EFCAB14: variants seen among roughly 807,000 people sequenced by gnomAD.
The protein encoded by EFCAB14 is EF-hand calcium-binding domain-containing protein 14.
In EFCAB14, 43 loss-of-function variants were observed where a neutral mutation model predicts 56.5. The observed-to-expected ratio is 0.76, with a 90% CI of 0.60 to 0.98. EFCAB14 has a LOEUF of 0.98. EFCAB14 is among the 50% of genes least tolerant of loss of function. The probability of loss-of-function intolerance (pLI) is 0.00; values close to 1 mark genes in which losing one functional copy is unlikely to be tolerated. For synonymous variants in EFCAB14, 235 were observed against 212.9 expected, an observed-to-expected ratio of 1.10 and a Z score of -0.90; for missense variants, 538 against 580.3, an observed-to-expected ratio of 0.93 and a Z score of 0.75.
rs746845066 is a variant in EFCAB14 at position 46,676,618 on chromosome 1, G to A, written c.*1843C>T. ...TGGTTGTTAGAAAATCTGTAAGGGT[G>A]TATATATATTAAAAAAAGGTGTGGG... On this transcript the variant is annotated 3_prime_UTR_variant, in exon 11 of 11. Coordinates refer to ENST00000371933, the MANE Select transcript of EFCAB14 (RefSeq NM_014774.3). 8.5e-5 allele frequency: 13 copies of A among 152,554 alleles called. No individual in the cohort carries two copies. The highest frequency in any genetic ancestry group is 1.8e-4 in the Non-Finnish European group (12 of 68,020). The allele number at this position is 152,554 out of a possible 1,614,324, so 9.5% of individuals were successfully genotyped here. A position where few individuals can be genotyped will look rare whatever the true frequency, so the allele number is the denominator to read the frequency against.
intron 3 of EFCAB14, among the ~76,000 whole-genome samples, chr1:46,702,967 T>C (rs1677181649): frequency 6.6e-6 from 1 of 152,228 alleles, no homozygotes; most frequent in South Asian, 2.1e-4. Context: ...TTTTCATTCA[T>C]CTATACTTTT....
intron 3 of EFCAB14, 92 bp from the exon 4 acceptor site, chr1:46,696,741 A>G (rs896985857): frequency 8.1e-5 from 95 of 1,167,588 alleles, no homozygotes; most frequent in Non-Finnish European, 1.1e-4. Context: ...TGATGTCAAG[A>G]TAGTCTAGGA....
intron 4 of EFCAB14, among the ~76,000 whole-genome samples, chr1:46,694,227 T>C (rs1347555197): frequency 6.6e-6 from 1 of 152,056 alleles, no homozygotes; most frequent in African/African-American, 2.4e-5. Flanking sequence ...AATTGACAAA[T>C]GGGATCTAAC....
At chr1:46,697,074 C>T (rs1214380708) in intron 3 of EFCAB14, among the ~76,000 whole-genome samples, 3 of 152,160 alleles carry the variant, frequency 2.0e-5, no homozygotes, top group African/African-American at 4.8e-5. Flanking sequence ...ACTTTTGTTC[C>T]TGCCCAAGTG....
At position 46,676,362 on chromosome 1, in the gene EFCAB14, G is replaced by C. The variant is rs1274421617; in HGVS notation, c.*2099C>G. ...CAAAAAACAAAATGGATTTCTCCAT[G>C]TATAGTTATCTGATGCAAGGGAAAA... On this transcript the variant is annotated 3_prime_UTR_variant, in exon 11 of 11. Coordinates refer to ENST00000371933, the MANE Select transcript of EFCAB14 (RefSeq NM_014774.3). 6.6e-6 allele frequency: 1 copy of C among 152,368 alleles called. No homozygotes were observed. Among genetic ancestry groups the C allele is most frequent in the East Asian group, 1.9e-4 (1 of 5,204 alleles). The allele number at this position is 152,368 out of a possible 1,614,324, so 9.4% of individuals were successfully genotyped here.
At chr1:46,681,448 T>C (rs1676793462) in intron 10 of EFCAB14, among the ~76,000 whole-genome samples, 1 of 152,168 alleles carries the variant, frequency 6.6e-6, no homozygotes, top group Non-Finnish European at 1.5e-5. Flanking sequence ...TCAGGAAGAA[T>C]AAAAATAGCT....
chr1:46,693,612 T>C (rs1677032600), intron 4 of EFCAB14, among the ~76,000 whole-genome samples: 1 of 152,202 alleles, frequency 6.6e-6, no homozygotes, highest in South Asian at 2.1e-4. Flanking sequence ...CACCTACTGT[T>C]TGTGAATCCA....
chr1:46,678,841 G>T (rs1333064404), intron 10 of EFCAB14, among the ~76,000 whole-genome samples: 3 of 139,248 alleles, frequency 2.2e-5, no homozygotes, highest in South Asian at 2.2e-4. Flanking sequence ...AAAAAAAAAA[G>T]GCTGGGTGCA....
intron 10 of EFCAB14, among the ~76,000 whole-genome samples, chr1:46,681,645 G>A (rs935969785): frequency 1.1e-4 from 16 of 149,484 alleles, no homozygotes; most frequent in Non-Finnish European, 1.9e-4. Context: ...TACACCAAGT[G>A]GCTAGCTGAA....
intron 4 of EFCAB14, among the ~76,000 whole-genome samples, chr1:46,695,325 C>T (rs1310301632): frequency 6.6e-6 from 1 of 152,150 alleles, no homozygotes; most frequent in Admixed American, 6.5e-5. Flanking sequence ...GCCCTAGGAA[C>T]AACGGCAAGA....
At chr1:46,708,983 T>C (rs17102458) in intron 2 of EFCAB14, among the ~76,000 whole-genome samples, 1,607 of 151,994 alleles carry the variant, frequency 0.011, 13 homozygotes, top group African/African-American at 0.036. Flanking sequence ...CCTTAGTTAT[T>C]ATATGCTTCC....
chr1:46,717,168 AACAAG>A (rs1271070370), intron 1 of EFCAB14, among the ~76,000 whole-genome samples: 1 of 152,188 alleles, frequency 6.6e-6, no homozygotes, highest in East Asian at 1.9e-4. Context: ...CCTTTAACAA[AACAAG>A]ACATTTTAAA....
In EFCAB14 at chr1:46,686,870, T is replaced by C. The variant is rs1318225267; in HGVS notation, c.988A>G (p.Met330Val). The C allele has an allele frequency of 1.9e-6, 3 of 1,613,438 alleles. No homozygotes were observed. The highest frequency in any genetic ancestry group is 2.5e-6 in the Non-Finnish European group (3 of 1,179,698). ...TTCAGAGTGGCAGATCTATCACCCA[T>C]CTTAAAGGGCAAAACAAAAACAAAC... is the stretch of plus-strand genomic sequence containing the variant. ...EKKANLSFSM[M>V]GDRSATLKRQ... is the part of the protein sequence containing the mutation. The change falls in exon 8 of 11, where the codon ATG (methionine) becomes GTG (valine). Residue 330 changes from methionine to valine, a missense_variant and splice_region_variant. Physicochemically the swap from Met to Val is conservative, Grantham distance 21. Transcript: ENST00000371933.
rs1326718883 is a variant in EFCAB14, at chr1:46,677,110, C to T, written c.*1351G>A. 1 of 152,632 alleles carries T rather than the reference C, an allele frequency of 6.6e-6. No homozygotes were observed. Among genetic ancestry groups the T allele is most frequent in the Non-Finnish European group, 1.5e-5 (1 of 68,044 alleles). The allele number at this position is 152,632 out of a possible 1,614,324, so 9.5% of individuals were successfully genotyped here. A position where few individuals can be genotyped will look rare whatever the true frequency, so the allele number is the denominator to read the frequency against. On this transcript the variant is annotated 3_prime_UTR_variant, in exon 11 of 11. Transcript: ENST00000371933. ...AACAACACAGCAATTCTAGACTCAA[C>T]ATACAGGAGACATGGAGGTATTATT... is the stretch of plus-strand genomic sequence containing the variant.
At chr1:46,689,799 G>A in intron 5 of EFCAB14, 108 bp from the exon 6 acceptor site, 1 of 904,440 alleles carries the variant, frequency 1.1e-6, no homozygotes, top group East Asian at 2.5e-5. Flanking sequence ...TGCATCCACA[G>A]ATTAATCAGT....
At position 46,718,261 on chromosome 1, in the gene EFCAB14, T is replaced by G. The variant is rs1677429451; in HGVS notation, c.-174A>C. On this transcript the variant is annotated 5_prime_UTR_variant, in exon 1 of 11. Coordinates refer to ENST00000371933, the MANE Select transcript of EFCAB14 (RefSeq NM_014774.3). ...ACCAGATCCGCCAGGGACTGGAGAT[T>G]GGAGCCCAGAGGAAACTGGAACTCA... 1 of 595,598 alleles carries G rather than the reference T, an allele frequency of 1.7e-6. No homozygotes were observed. The allele number at this position is 595,598 out of a possible 1,614,324, so 36.9% of individuals were successfully genotyped here. A position where few individuals can be genotyped will look rare whatever the true frequency, so the allele number is the denominator to read the frequency against.
chr1:46,680,754 A>C (rs561979446), intron 10 of EFCAB14, among the ~76,000 whole-genome samples: 1 of 152,238 alleles, frequency 6.6e-6, no homozygotes, highest in Non-Finnish European at 1.5e-5. Flanking sequence ...GTATTTCAAT[A>C]AAAAAGAACC....
chr1:46,702,023 T>C (rs1428700382), intron 3 of EFCAB14, among the ~76,000 whole-genome samples: 1 of 152,242 alleles, frequency 6.6e-6, no homozygotes, highest in Non-Finnish European at 1.5e-5. Flanking sequence ...AGATGCATTC[T>C]AGAATGTCAG....
At chr1:46,692,033 T>C in intron 4 of EFCAB14, 96 bp from the exon 5 acceptor site, 3 of 864,288 alleles carry the variant, frequency 3.5e-6, no homozygotes, top group Non-Finnish European at 3.5e-6. Context: ...TTTGAATGTT[T>C]TGACACATAA....
Sources: allele counts gnomAD v4.1 joint callset (sites outside exome capture counted in the v4.1 genomes callset), GRCh38; gene constraint gnomAD v4.1.1; transcripts MANE v1.5; gene names NCBI Gene and HGNC (gene_info 2026-07-23, HGNC 2026-07-21).